Variants in CDC42BPA observed in about 807,000 individuals in gnomAD.
CDC42BPA encodes the protein CDC42 binding protein kinase alpha.
In CDC42BPA, 80 loss-of-function variants were observed where a neutral mutation model predicts 223.5. The ratio of observed to expected loss-of-function variants is 0.36; its 90% confidence interval spans 0.30 to 0.43. The LOEUF is 0.43. CDC42BPA is among the 20% of genes least tolerant of loss of function. The pLI is 1.00. For missense variants in CDC42BPA, 1,743 were observed against 2,099.9 expected (o/e 0.83, Z 3.32); for synonymous variants, 694 against 718.6 (o/e 0.97, Z 0.55).
intron 29 of CDC42BPA, 61 bp downstream of exon 29, chr1:227,030,347 A>T: frequency 1.1e-6 from 1 of 944,658 alleles, no homozygotes; most frequent in Non-Finnish European, 1.6e-6. Context: ...TTTAGAATCT[A>T]CAGTTTAAAT....
rs139249063 is a variant in CDC42BPA, at chr1:227,298,450, G to A, written c.178+18555C>T. 2.8e-4 allele frequency among the ~76,000 whole-genome samples: 43 copies of A among 152,124 alleles called. 1 individual carries two copies. The highest frequency in any genetic ancestry group is 9.9e-4 in the African/African-American group (41 of 41,500). On this transcript the variant is annotated intron_variant, in intron 1 of 36. Coordinates refer to ENST00000366766, the MANE Select transcript of CDC42BPA (RefSeq NM_001394014.1). ...ATAAACAAGCTAGTGTCATTAGTATGTTGGTGCTATAACCTAAAAACTCAG... is the reference window on the plus strand; with the variant it reads ...ATAAACAAGCTAGTGTCATTAGTATATTGGTGCTATAACCTAAAAACTCAG...
Position 227,158,255 on chromosome 1 carries a change from C to T in CDC42BPA, c.693+2288G>A, listed in dbSNP as rs116063766. Among the ~76,000 whole-genome samples, 563 of 152,276 alleles carry T rather than the reference C, an allele frequency of 3.7e-3. 3 individuals carry two copies. The highest frequency in any genetic ancestry group is 0.013 in the African/African-American group (544 of 41,540). The stretch of plus-strand genomic sequence containing the variant: ...GATTACAGGCGTGAGCCACTGTGAC[C>T]GACCTATGATCACTTCTTTAATTCT... On this transcript the variant is annotated intron_variant, in intron 6 of 36. Coordinates refer to ENST00000366766, the MANE Select transcript of CDC42BPA (RefSeq NM_001394014.1).
intron 12 of CDC42BPA, among the ~76,000 whole-genome samples, chr1:227,113,391 C>T (rs1687247203): frequency 6.6e-6 from 1 of 152,158 alleles, no homozygotes; most frequent in African/African-American, 2.4e-5. Flanking sequence ...CTACCTGCCT[C>T]CCAGCAAAAG....
chr1:227,173,751 C>A (rs1163118919), intron 5 of CDC42BPA, among the ~76,000 whole-genome samples: 1 of 151,768 alleles, frequency 6.6e-6, no homozygotes, highest in Non-Finnish European at 1.5e-5. Context: ...ATACTTCTTC[C>A]TCTGGCTGAT....
chr1:227,150,898 ACT>A (rs1661630672), intron 6 of CDC42BPA, among the ~76,000 whole-genome samples: 1 of 151,516 alleles, frequency 6.6e-6, no homozygotes, highest in Non-Finnish European at 1.5e-5. Context: ...GAAATTAAAC[ACT>A]GGAAAAACAA....
chr1:227,096,357 C>T (rs1286104286), intron 15 of CDC42BPA, among the ~76,000 whole-genome samples: 2 of 152,216 alleles, frequency 1.3e-5, no homozygotes, highest in Admixed American at 6.5e-5. Flanking sequence ...GCTTAAGTCT[C>T]TTCCATATTA....
intron 1 of CDC42BPA, among the ~76,000 whole-genome samples, chr1:227,255,285 G>GATAC (rs1303405093): frequency 6.6e-6 from 1 of 152,154 alleles, no homozygotes; most frequent in Non-Finnish European, 1.5e-5. Flanking sequence ...TAAGATCAAA[G>GATAC]ATACATATTT....
chr1:227,274,952 A>G (rs1260036132), intron 1 of CDC42BPA, among the ~76,000 whole-genome samples: 1 of 152,208 alleles, frequency 6.6e-6, no homozygotes, highest in African/African-American at 2.4e-5. Context: ...ACACAGAAAA[A>G]TTGGCAAACT....
At chr1:227,160,699 A>T in intron 5 of CDC42BPA, 63 bp from the exon 6 acceptor site, 4 of 922,252 alleles carry the variant, frequency 4.3e-6, no homozygotes, top group Non-Finnish European at 6.8e-6. Context: ...TTGGTAAGAT[A>T]TTCTTTTTGT....
At chr1:227,251,540 A>G (rs939692376) in intron 2 of CDC42BPA, among the ~76,000 whole-genome samples, 7 of 152,200 alleles carry the variant, frequency 4.6e-5, no homozygotes, top group African/African-American at 1.4e-4. Context: ...AGGACAGAAT[A>G]AGATATTTAA....
chr1:227,091,626 T>C (rs1268934951), intron 16 of CDC42BPA, among the ~76,000 whole-genome samples: 3 of 4,596 alleles, frequency 6.5e-4, no homozygotes, highest in East Asian at 0.011. Flanking sequence ...ATGGACTAAT[T>C]GGATGGAGAG....
chr1:227,289,888 C>CA (rs10629910), intron 1 of CDC42BPA, among the ~76,000 whole-genome samples: 62,012 of 120,938 alleles, frequency 0.51, 16,430 homozygotes, highest in African/African-American at 0.59. Context: ...CCTGTCTCTA[C>CA]AAAAAAAAAA....
chr1:227,278,458 G>A (rs1687485428), intron 1 of CDC42BPA, among the ~76,000 whole-genome samples: 1 of 152,172 alleles, frequency 6.6e-6, no homozygotes, highest in South Asian at 2.1e-4. Context: ...ACTCAACTGA[G>A]ACTTGAAGGG....
At chr1:227,042,802 TA>T (rs1671654524) in intron 23 of CDC42BPA, among the ~76,000 whole-genome samples, 1 of 152,182 alleles carries the variant, frequency 6.6e-6, no homozygotes, top group South Asian at 2.1e-4. Context: ...AAGTATGGAC[TA>T]AAATTAGAAT....
At chr1:227,186,594 A>G (rs1025889434) in intron 5 of CDC42BPA, among the ~76,000 whole-genome samples, 1 of 152,176 alleles carries the variant, frequency 6.6e-6, no homozygotes, top group African/African-American at 2.4e-5. Context: ...GCCTCACTAA[A>G]GATTGGGACC....
chr1:227,116,822 T>C (rs1027894841), intron 12 of CDC42BPA, among the ~76,000 whole-genome samples: 1 of 152,128 alleles, frequency 6.6e-6, no homozygotes, highest in Non-Finnish European at 1.5e-5. Flanking sequence ...GGAGGTTATG[T>C]GTTTACATTT....
chr1:227,308,481 G>A (rs1265783852), intron 1 of CDC42BPA, among the ~76,000 whole-genome samples: 2 of 137,494 alleles, frequency 1.5e-5, no homozygotes, highest in Non-Finnish European at 3.0e-5. Flanking sequence ...CTGCACTCCA[G>A]CCTGGGCAAC....
Position 226,990,148 on chromosome 1 carries a change from T to G in CDC42BPA, c.*4120A>C, listed in dbSNP as rs972045681. ...TCAGCATTATATTCTAACCAAAAAA[T>G]GATCACACCAGGCCATGCAAAACTG... On this transcript the variant is annotated 3_prime_UTR_variant, in exon 37 of 37. Coordinates refer to ENST00000366766, the MANE Select transcript of CDC42BPA (RefSeq NM_001394014.1). 5.3e-5 allele frequency: 8 copies of G among 151,738 alleles called. No homozygotes were observed. The highest frequency in any genetic ancestry group is 6.6e-5 in the Admixed American group (1 of 15,212). 9.4% of individuals were successfully genotyped at this position (151,738 alleles called of 1,614,324 possible).
At chr1:227,315,710 T>C (rs567010339) in intron 1 of CDC42BPA, among the ~76,000 whole-genome samples, 42 of 152,108 alleles carry the variant, frequency 2.8e-4, no homozygotes, top group Non-Finnish European at 1.2e-4. Context: ...AAAGCCAAAA[T>C]TGTCTCACTC....
Sources: gnomAD v4.1 joint callset for allele counts (sites outside exome capture counted in the v4.1 genomes callset) on GRCh38, gnomAD v4.1.1 for gene constraint, MANE v1.5 for transcripts, NCBI Gene and HGNC (gene_info 2026-07-23, HGNC 2026-07-21) for gene names.